Variants in RPS6KA2 observed in about 807,000 individuals in gnomAD.
The protein encoded by RPS6KA2 is ribosomal protein S6 kinase alpha-2.
A neutral mutation model predicts 91.8 loss-of-function variants in RPS6KA2; 42 were observed. That is an observed-to-expected ratio of 0.46 (90% CI 0.36 to 0.59). The LOEUF (loss-of-function observed/expected upper bound fraction) is 0.59. Among genes scored for constraint, RPS6KA2 ranks in the 20% least tolerant of loss-of-function variants. The probability of loss-of-function intolerance (pLI) is 0.00; values close to 1 mark genes in which losing one functional copy is unlikely to be tolerated. For missense variants in RPS6KA2, 798 were observed against 978.5 expected, an observed-to-expected ratio of 0.82 and a Z score of 2.46; for synonymous variants, 414 against 393.6, an observed-to-expected ratio of 1.05 and a Z score of -0.61.
intron 2 of RPS6KA2, among the ~76,000 whole-genome samples, chr6:166,657,054 C>T (rs926173795): frequency 6.6e-6 from 1 of 152,040 alleles, no homozygotes; most frequent in Non-Finnish European, 1.5e-5. Flanking sequence ...ACCCAGGAAA[C>T]GGGAAGAGCC....
exon 1 of RPS6KA2, chr6:166,862,550 T>C (rs1312242482): frequency 1.7e-5 from 5 of 290,428 alleles, no homozygotes; most frequent in Non-Finnish European, 3.2e-5. Flanking sequence ...CAGCTTCGAA[T>C]TGAATTTCCT....
chr6:166,446,013 A>G (rs1302449994), intron 14 of RPS6KA2, among the ~76,000 whole-genome samples: 2 of 109,522 alleles, frequency 1.8e-5, no homozygotes, highest in African/African-American at 9.5e-5. Flanking sequence ...GTCAGCAGAT[A>G]CAGACAAAGG....
rs1208309433 is a variant in RPS6KA2 at position 166,445,449 on chromosome 6, TG to T, written c.1332+3274del. Among the ~76,000 whole-genome samples the T allele has an allele frequency of 2.0e-5, 3 of 152,156 alleles. No homozygotes were observed. Among genetic ancestry groups the T allele is most frequent in the Admixed American group, 6.5e-5 (1 of 15,272 alleles). On this transcript the variant is annotated intron_variant, in intron 14 of 20. Coordinates refer to ENST00000265678, the MANE Select transcript of RPS6KA2 (RefSeq NM_021135.6). The surrounding 1 kb of genome is among the most constrained non-coding windows in gnomAD (Gnocchi z 4.5). The stretch of plus-strand genomic sequence containing the variant: ...AACCTTTCGTTGGGGCAGCAGGTTG[TG>T]GGGGCTGTCCTGTGCACACAGGATG...
intron 2 of RPS6KA2, among the ~76,000 whole-genome samples, chr6:166,673,048 C>A (rs981929311): frequency 3.3e-5 from 5 of 152,128 alleles, no homozygotes; most frequent in African/African-American, 1.2e-4. Context: ...CCAGAGCTGC[C>A]CTTCCCTCCC....
chr6:166,826,753 T>G (rs181455913), intron 2 of RPS6KA2, among the ~76,000 whole-genome samples: 1 of 152,212 alleles, frequency 6.6e-6, no homozygotes, highest in Non-Finnish European at 1.5e-5. Context: ...GAGGGACATA[T>G]ATGAAATTCA....
chr6:166,456,020 G>A (rs183590182), intron 12 of RPS6KA2, among the ~76,000 whole-genome samples: 2 of 152,250 alleles, frequency 1.3e-5, no homozygotes, highest in South Asian at 4.1e-4. Flanking sequence ...GTGTGTGCGG[G>A]GGTGGGGGCA....
chr6:166,837,557 C>T (rs62438025), intron 2 of RPS6KA2, among the ~76,000 whole-genome samples: 28,177 of 152,230 alleles, frequency 0.19, 2,854 homozygotes, highest in African/African-American at 0.23. Flanking sequence ...CCTCCCCCTG[C>T]GAGAAGGCTG....
intron 1 of RPS6KA2, among the ~76,000 whole-genome samples, chr6:166,579,388 C>T (rs986229826): frequency 2.0e-5 from 3 of 151,952 alleles, no homozygotes; most frequent in Non-Finnish European, 2.9e-5. Context: ...GCTGGCCTGT[C>T]GCCCACAGGC....
intron 10 of RPS6KA2, 80 bp downstream of exon 10, chr6:166,488,753 G>A (rs1781495144): frequency 1.8e-6 from 2 of 1,103,916 alleles, no homozygotes; most frequent in Non-Finnish European, 2.7e-6. Flanking sequence ...GAGCAGGAGG[G>A]TGGCCCTCCA....
intron 19 of RPS6KA2, among the ~76,000 whole-genome samples, chr6:166,415,173 CT>C (rs1224424262): frequency 1.3e-5 from 2 of 152,296 alleles, no homozygotes; most frequent in African/African-American, 4.8e-5. Context: ...ATAACAATAT[CT>C]TTTTTATACA....
intron 2 of RPS6KA2, among the ~76,000 whole-genome samples, chr6:166,774,535 C>T (rs1476936420): frequency 6.6e-6 from 1 of 152,140 alleles, no homozygotes; most frequent in Non-Finnish European, 1.5e-5. Context: ...CTAAGCTCTC[C>T]CAAGATGCTA....
At chr6:166,460,566 G>A (rs911228543) in intron 11 of RPS6KA2, 3 of 152,448 alleles carry the variant, frequency 2.0e-5, no homozygotes, top group Non-Finnish European at 4.4e-5. Context: ...ATTCAGTAGA[G>A]GATGCTGGGT....
chr6:166,841,747 C>T (rs947374342), intron 2 of RPS6KA2, among the ~76,000 whole-genome samples: 1 of 152,224 alleles, frequency 6.6e-6, no homozygotes, highest in African/African-American at 2.4e-5. Flanking sequence ...TTTCATTCCT[C>T]CCTTTTGACA....
intron 2 of RPS6KA2, among the ~76,000 whole-genome samples, chr6:166,766,805 G>A (rs556358229): frequency 9.2e-5 from 14 of 152,364 alleles, no homozygotes; most frequent in East Asian, 5.8e-4. Flanking sequence ...GGGCTGGAAC[G>A]CAGAAGCACA....
At chr6:166,766,657 G>C (rs993433960) in intron 2 of RPS6KA2, among the ~76,000 whole-genome samples, 1 of 152,146 alleles carries the variant, frequency 6.6e-6, no homozygotes, top group Non-Finnish European at 1.5e-5. Flanking sequence ...TCAATCAAAG[G>C]ATTTTTCTAG....
intron 2 of RPS6KA2, among the ~76,000 whole-genome samples, chr6:166,705,067 C>A (rs1282253015): frequency 6.6e-6 from 1 of 152,168 alleles, no homozygotes. Flanking sequence ...TTCTCAGGTA[C>A]TTTCTTCTGA....
At chr6:166,455,395 G>A (rs1780067961) in intron 12 of RPS6KA2, among the ~76,000 whole-genome samples, 1 of 152,158 alleles carries the variant, frequency 6.6e-6, no homozygotes. Flanking sequence ...GCTCTTCCTG[G>A]GGTAGGAAGC....
At chr6:166,692,917 T>TC (rs1789251739) in intron 2 of RPS6KA2, among the ~76,000 whole-genome samples, 1 of 152,172 alleles carries the variant, frequency 6.6e-6, no homozygotes, top group African/African-American at 2.4e-5. Flanking sequence ...ATGGAGCATC[T>TC]CACTCCTCCA....
intron 1 of RPS6KA2, among the ~76,000 whole-genome samples, chr6:166,582,437 C>T (rs1785051175): frequency 6.6e-6 from 1 of 152,236 alleles, no homozygotes; most frequent in African/African-American, 2.4e-5. Context: ...TGACTGTTCA[C>T]AGCTGCTCAC....
Sources: gnomAD v4.1 joint callset for allele counts (sites outside exome capture counted in the v4.1 genomes callset) on GRCh38, gnomAD v4.1.1 for gene constraint, Gnocchi (gnomAD v3.1) non-coding constraint, MANE v1.5 for transcripts, NCBI Gene and HGNC (gene_info 2026-07-23, HGNC 2026-07-21) for gene names.